Variants in KCNIP4 observed in about 807,000 individuals in gnomAD.
KCNIP4 encodes the protein Kv channel-interacting protein 4.
Under a neutral mutation model 34.0 loss-of-function variants are expected in KCNIP4, and 12 were observed. The ratio of observed to expected loss-of-function variants is 0.35; its 90% CI spans 0.23 to 0.57. The LOEUF is 0.57. KCNIP4 is among the 20% of genes least tolerant of loss of function. The pLI is 0.83. For synonymous variants in KCNIP4, 124 were observed against 102.2 expected (o/e 1.21, Z -1.29); for missense variants, 238 against 311.7 (o/e 0.76, Z 1.78).
intron 1 of KCNIP4, among the ~76,000 whole-genome samples, chr4:21,630,439 C>G (rs1437082954): frequency 6.9e-6 from 1 of 144,760 alleles, no homozygotes; most frequent in Non-Finnish European, 1.5e-5. Context: ...AGCCTGGCAA[C>G]AGAGGGAGAT....
At chr4:21,236,900 G>A (rs1174817999) in intron 1 of KCNIP4, among the ~76,000 whole-genome samples, 4 of 151,642 alleles carry the variant, frequency 2.6e-5, no homozygotes, top group East Asian at 1.9e-4. Context: ...CCAATTACTC[G>A]GGAGGCTGAG....
At chr4:21,763,218 A>T (rs1196898749) in intron 1 of KCNIP4, among the ~76,000 whole-genome samples, 1 of 152,192 alleles carries the variant, frequency 6.6e-6, no homozygotes, top group Non-Finnish European at 1.5e-5. Context: ...TCTGCGTGTC[A>T]TAAGAAACAA....
chr4:21,036,246 T>A (rs1175664525), intron 1 of KCNIP4, among the ~76,000 whole-genome samples: 1 of 152,166 alleles, frequency 6.6e-6, no homozygotes, highest in Admixed American at 6.5e-5. Flanking sequence ...AAAATTCTGC[T>A]AGGAAATTCA....
At chr4:21,802,756 A>G (rs997585488) in intron 1 of KCNIP4, among the ~76,000 whole-genome samples, 1 of 152,196 alleles carries the variant, frequency 6.6e-6, no homozygotes, top group Admixed American at 6.5e-5. Context: ...AAGCACAAAA[A>G]TAAAGACACG....
At chr4:21,364,508 T>C (rs957593313) in intron 1 of KCNIP4, among the ~76,000 whole-genome samples, 6 of 152,052 alleles carry the variant, frequency 3.9e-5, no homozygotes, top group African/African-American at 1.4e-4. Flanking sequence ...ATGTGTTGGA[T>C]GAAAAAAAGA....
intron 1 of KCNIP4, among the ~76,000 whole-genome samples, chr4:21,136,896 C>G (rs1372169834): frequency 6.6e-6 from 1 of 152,120 alleles, no homozygotes; most frequent in Non-Finnish European, 1.5e-5. Context: ...TTCCTCCTTT[C>G]TCCAACAAGA....
chr4:21,034,113 T>C (rs994523433), intron 1 of KCNIP4, among the ~76,000 whole-genome samples: 3 of 152,160 alleles, frequency 2.0e-5, no homozygotes, highest in Admixed American at 6.6e-5. Context: ...AAAAATCTGT[T>C]TTAAGTATAA....
At chr4:20,951,522 T>G (rs1732787285) in intron 1 of KCNIP4, among the ~76,000 whole-genome samples, 1 of 152,220 alleles carries the variant, frequency 6.6e-6, no homozygotes, top group Admixed American at 6.5e-5. Flanking sequence ...AACCAGCAGC[T>G]TCTGGTCATG....
At chr4:21,158,197 G>C (rs936445535) in intron 1 of KCNIP4, among the ~76,000 whole-genome samples, 1 of 152,066 alleles carries the variant, frequency 6.6e-6, no homozygotes, top group Non-Finnish European at 1.5e-5. Flanking sequence ...TCTAGGCCCA[G>C]ATGGTTTTGC....
chr4:20,751,992 C>G (rs892962010), intron 4 of KCNIP4, among the ~76,000 whole-genome samples: 1 of 151,702 alleles, frequency 6.6e-6, no homozygotes, highest in Non-Finnish European at 1.5e-5. Flanking sequence ...AGTTGTTTTA[C>G]CTTTGTGTGG....
At chr4:21,462,765 TTGTGTGTGTGTGTGTGTGTGTG>T (rs57124779) in intron 1 of KCNIP4, among the ~76,000 whole-genome samples, 3 of 145,672 alleles carry the variant, frequency 2.1e-5, no homozygotes, top group South Asian at 2.2e-4. Flanking sequence ...TAGTATTCCA[TTGTGTGTGTGTGTGTGTGTGTG>T]TGTGTGTGTG....
chr4:21,266,059 A>C (rs984962192), intron 1 of KCNIP4, among the ~76,000 whole-genome samples: 1 of 152,196 alleles, frequency 6.6e-6, no homozygotes, highest in African/African-American at 2.4e-5. Context: ...AGTCCCATTT[A>C]ACAGATGAAA....
chr4:21,858,896 A>G (rs1724906363), intron 1 of KCNIP4, among the ~76,000 whole-genome samples: 1 of 152,334 alleles, frequency 6.6e-6, no homozygotes, highest in Admixed American at 6.5e-5. Context: ...TAGAGTATTA[A>G]TTGTTTATAG....
chr4:21,065,762 A>G (rs1208543412), intron 1 of KCNIP4, among the ~76,000 whole-genome samples: 2 of 120,326 alleles, frequency 1.7e-5, no homozygotes, highest in Admixed American at 8.8e-5. Flanking sequence ...ATATATATAT[A>G]TATAACTCAA....
At chr4:21,167,290 G>A (rs572734893) in intron 1 of KCNIP4, among the ~76,000 whole-genome samples, 17 of 152,236 alleles carry the variant, frequency 1.1e-4, no homozygotes, top group East Asian at 3.9e-4. Context: ...ATTATTTTAC[G>A]AGTCTATACA....
Position 21,485,812 on chromosome 4 carries a change from T to C in KCNIP4, c.61+462759A>G, listed in dbSNP as rs747688963. Among the ~76,000 whole-genome samples, 8 of 152,296 alleles carry C rather than the reference T, an allele frequency of 5.3e-5. No individual in the cohort carries two copies. In the South Asian group the frequency reaches 1.0e-3, roughly 20 times the overall value. ...ACCTTTTTGAAAGCAAGGATTGAGTTTGGCTTATTCCTGAATCCCTAATGT... is the reference window on the plus strand; with the variant it reads ...ACCTTTTTGAAAGCAAGGATTGAGTCTGGCTTATTCCTGAATCCCTAATGT... On this transcript the variant is annotated intron_variant, in intron 1 of 8. Coordinates refer to ENST00000382152, the MANE Select transcript of KCNIP4 (RefSeq NM_025221.6).
intron 1 of KCNIP4, among the ~76,000 whole-genome samples, chr4:21,390,584 G>A (rs1722475183): frequency 6.6e-6 from 1 of 152,072 alleles, no homozygotes; most frequent in Non-Finnish European, 1.5e-5. Flanking sequence ...TCTTGTTTTT[G>A]TCAGGTTTGT....
intron 1 of KCNIP4, among the ~76,000 whole-genome samples, chr4:21,833,646 T>C (rs1464568646): frequency 1.3e-5 from 2 of 152,226 alleles, no homozygotes; most frequent in East Asian, 3.9e-4. Context: ...TTTTGGTGTT[T>C]TAGACACGAA....
At chr4:20,973,952 A>T (rs1006436145) in intron 1 of KCNIP4, among the ~76,000 whole-genome samples, 5 of 152,198 alleles carry the variant, frequency 3.3e-5, no homozygotes, top group Non-Finnish European at 7.3e-5. Context: ...AATACCAAAG[A>T]TCACTAAAAT....
Sources: allele counts gnomAD v4.1 joint callset (sites outside exome capture counted in the v4.1 genomes callset), GRCh38; gene constraint gnomAD v4.1.1; transcripts MANE v1.5; gene names NCBI Gene and HGNC (gene_info 2026-07-23, HGNC 2026-07-21).